Variants in EGFR observed in about 807,000 individuals in gnomAD.
The protein encoded by EGFR is epidermal growth factor receptor.
Under a neutral mutation model 143.0 loss-of-function variants are expected in EGFR, and 58 were observed. That is an observed-to-expected ratio of 0.41 (90% CI 0.33 to 0.50). The LOEUF (loss-of-function observed/expected upper bound fraction) is 0.50. Among genes scored for constraint, EGFR ranks in the 20% least tolerant of loss-of-function variants. The pLI is 0.39. For synonymous variants in EGFR, 613 were observed against 594.4 expected, an observed-to-expected ratio of 1.03 and a Z score of -0.45; for missense variants, 1,307 against 1,579.0, an observed-to-expected ratio of 0.83 and a Z score of 2.92.
chr7:55,156,367 T>G (rs1448765404), intron 8 of EGFR, among the ~76,000 whole-genome samples, 166 bp from the exon 9 acceptor site: 4 of 152,204 alleles, frequency 2.6e-5, no homozygotes, highest in Non-Finnish European at 5.9e-5. Flanking sequence ...CCTTCCCGCC[T>G]GCACTCTCCC....
chr7:55,027,657 T>C (rs923248430), intron 1 of EGFR, among the ~76,000 whole-genome samples: 7 of 152,324 alleles, frequency 4.6e-5, no homozygotes, highest in Admixed American at 1.3e-4. Flanking sequence ...AAATGTGTTA[T>C]GAATAAGTAA....
intron 1 of EGFR, among the ~76,000 whole-genome samples, chr7:55,058,445 G>A (rs561845001): frequency 9.2e-5 from 14 of 151,764 alleles, no homozygotes; most frequent in South Asian, 6.3e-4. Context: ...TAGCAAAGAC[G>A]TGGAATCAAC....
At chr7:55,063,738 A>G (rs1487506437) in intron 1 of EGFR, among the ~76,000 whole-genome samples, 2 of 152,206 alleles carry the variant, frequency 1.3e-5, no homozygotes, top group East Asian at 1.9e-4. Context: ...GAGCAAAAGG[A>G]TGGAGTGGCA....
Position 55,210,749 on chromosome 7 carries a change from C to T in EGFR, c.*5132C>T, listed in dbSNP as rs1424369475. 3 of 152,202 alleles carry T rather than the reference C, an allele frequency of 2.0e-5. No individual in the cohort carries two copies. Among genetic ancestry groups the T allele is most frequent in the Non-Finnish European group, 4.4e-5 (3 of 68,032 alleles). The allele number at this position is 152,202 out of a possible 1,614,324, so 9.4% of individuals were successfully genotyped here. On this transcript the variant is annotated 3_prime_UTR_variant, in exon 28 of 28. Transcript: ENST00000275493. ...AAGCAAAGGAAATATAAAACAGACA[C>T]CTCTTTCCATTTCCTAAGGTTTCTC...
At chr7:55,186,747 T>G (rs1787155309) in intron 20 of EGFR, among the ~76,000 whole-genome samples, 1 of 152,228 alleles carries the variant, frequency 6.6e-6, no homozygotes, top group Non-Finnish European at 1.5e-5. Flanking sequence ...GAAATACATA[T>G]AGAAGTAAGA....
intron 20 of EGFR, among the ~76,000 whole-genome samples, chr7:55,187,670 A>G (rs1391316034): frequency 6.6e-6 from 1 of 152,256 alleles, no homozygotes; most frequent in African/African-American, 2.4e-5. Flanking sequence ...TCAAGGCCAC[A>G]GATGCTCTGA....
At chr7:55,081,195 C>A (rs1790443591) in intron 1 of EGFR, among the ~76,000 whole-genome samples, 1 of 152,156 alleles carries the variant, frequency 6.6e-6, no homozygotes, top group African/African-American at 2.4e-5. Context: ...GGGTTCCTTG[C>A]AGATCAGAAT....
At chr7:55,167,030 T>TG (rs1786060352) in intron 15 of EGFR, among the ~76,000 whole-genome samples, 2 of 113,582 alleles carry the variant, frequency 1.8e-5, no homozygotes, top group African/African-American at 7.5e-5. Context: ...GTGTTGATGG[T>TG]CCGATGGTGA....
intron 1 of EGFR, among the ~76,000 whole-genome samples, chr7:55,023,299 CAA>C (rs1370303711): frequency 6.6e-6 from 1 of 152,124 alleles, no homozygotes; most frequent in Non-Finnish European, 1.5e-5. Flanking sequence ...GAGAAAATTT[CAA>C]AGTTTTAGAA....
chr7:55,202,821 T>C (rs943960807), intron 27 of EGFR, 196 bp downstream of exon 27: 9 of 703,146 alleles, frequency 1.3e-5, no homozygotes, highest in Non-Finnish European at 2.3e-5. Context: ...CTTTGTTGTG[T>C]CTGGTTGTTT....
chr7:55,031,226 G>A (rs779663087), intron 1 of EGFR, among the ~76,000 whole-genome samples: 2 of 152,206 alleles, frequency 1.3e-5, no homozygotes, highest in Non-Finnish European at 2.9e-5. Flanking sequence ...CTGTGATGAC[G>A]TATCTCTTGT....
chr7:55,090,270 T>G (rs1791031810), intron 1 of EGFR, among the ~76,000 whole-genome samples: 1 of 152,174 alleles, frequency 6.6e-6, no homozygotes, highest in African/African-American at 2.4e-5. Flanking sequence ...ATTTTTAGTT[T>G]TGATGACCAG....
At chr7:55,187,210 C>T (rs534233302) in intron 20 of EGFR, among the ~76,000 whole-genome samples, 5 of 152,202 alleles carry the variant, frequency 3.3e-5, no homozygotes, top group East Asian at 3.9e-4. Context: ...AATTCAAGGT[C>T]GCTGCAAAAG....
intron 19 of EGFR, among the ~76,000 whole-genome samples, chr7:55,176,868 A>G (rs1178489787): frequency 1.4e-5 from 2 of 146,108 alleles, no homozygotes; most frequent in African/African-American, 2.5e-5. Flanking sequence ...TTAGAGATTT[A>G]TATATATTTT....
intron 15 of EGFR, among the ~76,000 whole-genome samples, chr7:55,169,810 G>C (rs192123128): frequency 6.0e-4 from 92 of 152,318 alleles, no homozygotes; most frequent in South Asian, 3.7e-3. Context: ...TTCCCTACAA[G>C]TCTGTCACAG....
intron 1 of EGFR, among the ~76,000 whole-genome samples, chr7:55,054,772 T>TGC (rs1788695621): frequency 4.6e-5 from 7 of 152,234 alleles, no homozygotes; most frequent in Non-Finnish European, 8.8e-5. Flanking sequence ...GCTGTGCCTC[T>TGC]GCTTCCTTCT....
At position 55,171,142 on chromosome 7, in the gene EGFR, G is replaced by GA. The variant is rs778030655; in HGVS notation, c.1881-28dup. ...AATATATGCCAAAGAAGTAGAATGA[G>GA]AAAAATGTATATTTCTCTTTCACTT... is the stretch of plus-strand genomic sequence containing the variant. On this transcript the variant is annotated intron_variant, in intron 15 of 27. Transcript: ENST00000275493. 69 of 1,613,870 alleles carry GA rather than the reference G, an allele frequency of 4.3e-5. No homozygotes were observed. The African/African-American group carries it at 6.9e-4, about 16-fold the overall frequency.
chr7:55,143,622 C>T (rs140633390), intron 3 of EGFR, 134 bp downstream of exon 3: 17 of 971,704 alleles, frequency 1.7e-5, no homozygotes, highest in South Asian at 7.3e-5. Flanking sequence ...CACTGAGTGC[C>T]GGCTGTGTGT....
intron 1 of EGFR, among the ~76,000 whole-genome samples, chr7:55,109,539 G>C (rs17336184): frequency 1.8e-4 from 28 of 152,284 alleles, no homozygotes; most frequent in Admixed American, 1.7e-3. Context: ...CTTTGCCAGC[G>C]ACCAAGCAGA....
Sources: allele counts gnomAD v4.1 joint callset (sites outside exome capture counted in the v4.1 genomes callset), GRCh38; gene constraint gnomAD v4.1.1; transcripts MANE v1.5; gene names NCBI Gene and HGNC (gene_info 2026-07-23, HGNC 2026-07-21).